DNAH9: variants seen among roughly 807,000 people sequenced by gnomAD.
DNAH9 encodes the protein DNAH9 variant protein.
Under a neutral mutation model 471.6 loss-of-function variants are expected in DNAH9, and 345 were observed. The observed-to-expected ratio is 0.73, with a 90% CI of 0.67 to 0.80. DNAH9 has a LOEUF of 0.80. Ranked by LOEUF, DNAH9 falls within the 30% of genes least tolerant of loss-of-function variation. The probability of loss-of-function intolerance (pLI) is 0.00; values close to 1 mark genes in which losing one functional copy is unlikely to be tolerated. For synonymous variants in DNAH9, 2,093 were observed against 2,123.6 expected, an observed-to-expected ratio of 0.99 and a Z score of 0.40; for missense variants, 5,407 against 5,609.2, an observed-to-expected ratio of 0.96 and a Z score of 1.15.
chr17:11,787,669 C>T (rs1597648104), intron 41 of DNAH9, among the ~76,000 whole-genome samples: 1 of 152,112 alleles, frequency 6.6e-6, no homozygotes, highest in Admixed American at 6.5e-5. Flanking sequence ...GCTCTGGGTC[C>T]CCACCCAAAT....
At chr17:11,666,090 A>G (rs936891615) in intron 15 of DNAH9, among the ~76,000 whole-genome samples, 1 of 152,204 alleles carries the variant, frequency 6.6e-6, no homozygotes, top group Non-Finnish European at 1.5e-5. Flanking sequence ...GTAAGAGATC[A>G]TCTTCTGGAG....
At chr17:11,649,671 C>G (rs1326493724) in intron 12 of DNAH9, among the ~76,000 whole-genome samples, 2 of 152,112 alleles carry the variant, frequency 1.3e-5, no homozygotes, top group Admixed American at 1.3e-4. Context: ...AGATACTGTT[C>G]ATTTCTTCAA....
chr17:11,758,508 T>G (rs754354019), intron 35 of DNAH9, among the ~76,000 whole-genome samples: 1 of 152,110 alleles, frequency 6.6e-6, no homozygotes, highest in Non-Finnish European at 1.5e-5. Context: ...ATGCCACAAT[T>G]TAGGGTCAGG....
At chr17:11,856,435 C>T (rs1045617895) in intron 50 of DNAH9, among the ~76,000 whole-genome samples, 8 of 151,860 alleles carry the variant, frequency 5.3e-5, no homozygotes, top group African/African-American at 1.5e-4. Context: ...TGCAGTGGCT[C>T]ATGCCTGTAA....
intron 26 of DNAH9, among the ~76,000 whole-genome samples, chr17:11,707,136 G>T (rs2150780760): frequency 6.6e-6 from 1 of 152,226 alleles, no homozygotes; most frequent in Admixed American, 6.5e-5. Context: ...AAATTCTGCT[G>T]GGAGTTCATA....
At chr17:11,654,419 T>C (rs1269381015) in intron 14 of DNAH9, among the ~76,000 whole-genome samples, 1 of 150,678 alleles carries the variant, frequency 6.6e-6, no homozygotes, top group African/African-American at 2.4e-5. Context: ...TCTATGTATC[T>C]ATCTATTGAT....
chr17:11,641,363 CAA>C (rs1327337286), intron 10 of DNAH9, among the ~76,000 whole-genome samples: 1 of 152,132 alleles, frequency 6.6e-6, no homozygotes, highest in Non-Finnish European at 1.5e-5. Context: ...TTCCAATGAT[CAA>C]GGATTCCATT....
rs940642730 is a variant in DNAH9 at position 11,608,152 on chromosome 17, T to C, written c.441T>C (p.Asn147=). Residue 147 remains asparagine (N), a synonymous_variant, in exon 2 of 69, where the codon AAT becomes AAC. Coordinates refer to ENST00000262442, the MANE Select transcript of DNAH9 (RefSeq NM_001372.4). ...FSEVVLPVLA[N]EKNRLNWPHM... The stretch of plus-strand genomic sequence containing the variant: ...AGGTTGTTCTACCCGTCCTGGCCAA[T>C]GAGAAGAATCGCCTAAACTGGCCCC... 1 of 1,608,752 alleles carries C rather than the reference T, an allele frequency of 6.2e-7. No homozygotes were observed. The highest frequency in any genetic ancestry group is 8.5e-7 in the Non-Finnish European group (1 of 1,175,800).
At chr17:11,814,082 G>T (rs11078033) in intron 45 of DNAH9, among the ~76,000 whole-genome samples, 68,559 of 151,884 alleles carry the variant, frequency 0.45, 15,782 homozygotes, top group East Asian at 0.53. Context: ...GTTCATTACT[G>T]GCTATGTTCT....
intron 49 of DNAH9, among the ~76,000 whole-genome samples, chr17:11,852,848 ATATATATATATATG>A (rs1971476281): frequency 7.5e-6 from 1 of 133,868 alleles, no homozygotes; most frequent in African/African-American, 3.1e-5. Context: ...ATATATATAT[ATATATATATATATG>A]AAAGTGTGTA....
intron 68 of DNAH9, among the ~76,000 whole-genome samples, chr17:11,967,070 T>A (rs1223028387): frequency 6.7e-6 from 1 of 149,832 alleles, no homozygotes; most frequent in African/African-American, 2.5e-5. Flanking sequence ...CTGGAATTAA[T>A]CTGAAATAGA....
chr17:11,770,904 C>T (rs1253339865), intron 38 of DNAH9, among the ~76,000 whole-genome samples: 2 of 152,086 alleles, frequency 1.3e-5, no homozygotes, highest in Admixed American at 6.6e-5. Context: ...ATACTCCCAC[C>T]GTGGCCAATT....
chr17:11,804,767 G>A (rs1162890720), intron 43 of DNAH9, among the ~76,000 whole-genome samples: 7 of 152,088 alleles, frequency 4.6e-5, no homozygotes, highest in East Asian at 1.9e-4. Flanking sequence ...CCAGCTACTC[G>A]GGAGGCTGAG....
chr17:11,909,902 A>G (rs1973736563), intron 61 of DNAH9, among the ~76,000 whole-genome samples: 1 of 152,138 alleles, frequency 6.6e-6, no homozygotes, highest in African/African-American at 2.4e-5. Flanking sequence ...ATTACTTTCC[A>G]TGGCATCTCA....
intron 26 of DNAH9, among the ~76,000 whole-genome samples, chr17:11,707,373 A>G (rs2074721966): frequency 6.6e-6 from 1 of 152,172 alleles, no homozygotes; most frequent in Non-Finnish European, 1.5e-5. Flanking sequence ...CCTCAAATAT[A>G]TTTCCAAGTA....
At chr17:11,753,077 AACTATC>A (rs1392487649) in intron 33 of DNAH9, 117 bp downstream of exon 33, 3 of 823,352 alleles carry the variant, frequency 3.6e-6, no homozygotes, top group African/African-American at 1.7e-5. Flanking sequence ...CAGAGTAAGG[AACTATC>A]ATCAGCATCT....
intron 28 of DNAH9, among the ~76,000 whole-genome samples, chr17:11,732,436 A>G (rs2075283942): frequency 6.6e-6 from 1 of 152,002 alleles, no homozygotes; most frequent in Admixed American, 6.6e-5. Context: ...TTGGTTCAGA[A>G]GCCACACCAG....
At position 11,932,129 on chromosome 17, in the gene DNAH9, G is replaced by T. The variant is rs779993508; in HGVS notation, c.12221G>T (p.Arg4074Leu). ...AAATTTGGGCCCCAGGGATGGAATC[G>T]CTCATACCCCTTTAACACTGGAGAC... ...RRKFGPQGWN[R>L]SYPFNTGDLT... The change falls in exon 64 of 69, where the codon CGC becomes CTC. Residue 4074 changes from arginine to leucine, a missense_variant. Arg to Leu is a moderately radical substitution (Grantham distance 102). Coordinates refer to ENST00000262442, the MANE Select transcript of DNAH9 (RefSeq NM_001372.4). This position sits in a 1 kb window ranked among gnomAD's most constrained non-coding sequence, Gnocchi z 4.3. 1.2e-6 allele frequency: 2 copies of T among 1,614,106 alleles called. No homozygotes were observed. Among genetic ancestry groups the T allele is most frequent in the Admixed American group, 3.3e-5 (2 of 60,010 alleles).
intron 9 of DNAH9, 100 bp downstream of exon 9, chr17:11,636,884 C>A: frequency 1.8e-6 from 2 of 1,120,426 alleles, no homozygotes; most frequent in Admixed American, 4.1e-5. Context: ...TGGATCCATA[C>A]ATTCTCAAAA....
Sources: allele counts gnomAD v4.1 joint callset (sites outside exome capture counted in the v4.1 genomes callset), GRCh38; gene constraint gnomAD v4.1.1; non-coding constraint Gnocchi (gnomAD v3.1); transcripts MANE v1.5; gene names NCBI Gene and HGNC (gene_info 2026-07-23, HGNC 2026-07-21).